RPS6KA5: variants seen among roughly 807,000 people sequenced by gnomAD.
RPS6KA5 encodes the protein ribosomal protein S6 kinase A5, also known as ribosomal protein S6 kinase alpha-5.
Under a neutral mutation model 85.5 loss-of-function variants are expected in RPS6KA5, and 27 were observed. The observed-to-expected ratio is 0.32, with a 90% CI of 0.23 to 0.44. The LOEUF (loss-of-function observed/expected upper bound fraction) is 0.44. RPS6KA5 is among the 20% of genes least tolerant of loss of function. RPS6KA5 has a pLI of 1.00. For synonymous variants in RPS6KA5, 334 were observed against 348.2 expected (o/e 0.96, Z 0.46); for missense variants, 811 against 980.9 (o/e 0.83, Z 2.31).
chr14:91,020,534 C>CTCTGTG (rs1491262892), intron 1 of RPS6KA5, among the ~76,000 whole-genome samples: 1 of 109,998 alleles, frequency 9.1e-6, no homozygotes, highest in Non-Finnish European at 1.8e-5. Context: ...TAAGGAATGA[C>CTCTGTG]TGTGTGTGTG....
At chr14:90,909,922 C>G (rs1487096349) in intron 7 of RPS6KA5, among the ~76,000 whole-genome samples, 1 of 152,084 alleles carries the variant, frequency 6.6e-6, no homozygotes, top group Non-Finnish European at 1.5e-5. Context: ...ATTACAGGCA[C>G]CCACCACCAT....
At chr14:90,880,175 C>T (rs776938390) in intron 14 of RPS6KA5, among the ~76,000 whole-genome samples, 13 of 152,096 alleles carry the variant, frequency 8.5e-5, no homozygotes, top group Admixed American at 2.6e-4. Flanking sequence ...GTGTATAGTT[C>T]GATGGTATTA....
At chr14:90,998,076 C>G (rs900852415) in intron 2 of RPS6KA5, among the ~76,000 whole-genome samples, 1 of 133,114 alleles carries the variant, frequency 7.5e-6, no homozygotes, top group Non-Finnish European at 1.6e-5. Context: ...ACCTAGAAAA[C>G]ATTATGTTAA....
chr14:90,974,573 C>A (rs1300486326), intron 3 of RPS6KA5, among the ~76,000 whole-genome samples: 2 of 152,200 alleles, frequency 1.3e-5, no homozygotes, highest in Non-Finnish European at 2.9e-5. Flanking sequence ...GGCCCTGCAG[C>A]CTCCACTTTT....
intron 13 of RPS6KA5, chr14:90,893,854 CA>C: frequency 3.9e-6 from 1 of 255,196 alleles, no homozygotes; most frequent in Non-Finnish European, 6.2e-6. Flanking sequence ...TAAGAGGAGA[CA>C]TATAAATAGC....
chr14:90,905,748 G>T (rs796273951), intron 8 of RPS6KA5, among the ~76,000 whole-genome samples: 19 of 152,192 alleles, frequency 1.2e-4, no homozygotes, highest in African/African-American at 4.6e-4. Context: ...CTATCTAAAA[G>T]GTGAAACATA....
chr14:90,867,965 T>C lies in RPS6KA5; in HGVS notation c.*4109A>G, dbSNP rs2032871169. The C allele has an allele frequency of 6.6e-6, 1 of 152,086 alleles. No homozygotes were observed. The highest frequency in any genetic ancestry group is 2.4e-5 in the African/African-American group (1 of 41,410). The allele number at this position is 152,086 out of a possible 1,614,324, so 9.4% of individuals were successfully genotyped here. ...AAGAAAAGGGCTCAGAAGAAATATC[T>C]TGAAAAGTAAGCAATATAGAAGGTG... is the stretch of plus-strand genomic sequence containing the variant. On this transcript the variant is annotated 3_prime_UTR_variant, in exon 17 of 17. Transcript: ENST00000614987.
At chr14:91,002,110 C>T (rs1470418152) in intron 1 of RPS6KA5, among the ~76,000 whole-genome samples, 1 of 152,130 alleles carries the variant, frequency 6.6e-6, no homozygotes, top group African/African-American at 2.4e-5. Context: ...GATCCAAATC[C>T]TAATTATGCC....
chr14:90,947,410 A>C (rs924781387), intron 4 of RPS6KA5, 25 bp downstream of exon 4: 3 of 1,331,986 alleles, frequency 2.3e-6, no homozygotes, highest in Non-Finnish European at 3.2e-6. Flanking sequence ...TTCAGAAAAG[A>C]AACCTGAAAA....
chr14:90,951,480 C>CA (rs774538620), intron 3 of RPS6KA5, among the ~76,000 whole-genome samples: 38 of 151,662 alleles, frequency 2.5e-4, no homozygotes, highest in Non-Finnish European at 4.0e-4. Flanking sequence ...ATCTCAACAA[C>CA]AAAAAAACAA....
chr14:91,038,052 T>C (rs2042469870), intron 1 of RPS6KA5, among the ~76,000 whole-genome samples: 2 of 152,206 alleles, frequency 1.3e-5, no homozygotes, highest in Admixed American at 1.3e-4. Context: ...AGTATCACCT[T>C]GTAAGAAATC....
At chr14:90,872,483 C>G (rs2033184405) in intron 16 of RPS6KA5, among the ~76,000 whole-genome samples, 161 bp from the exon 17 acceptor site, 1 of 151,946 alleles carries the variant, frequency 6.6e-6, no homozygotes, top group African/African-American at 2.4e-5. Flanking sequence ...AGTCTATTGG[C>G]AGGGTGGAGA....
chr14:90,947,611 C>T, intron 3 of RPS6KA5, 61 bp from the exon 4 acceptor site: 1 of 975,866 alleles, frequency 1.0e-6, no homozygotes, highest in South Asian at 1.4e-5. Flanking sequence ...AGCAGTGTTT[C>T]CTTTTAATCA....
intron 6 of RPS6KA5, among the ~76,000 whole-genome samples, chr14:90,922,809 T>C (rs2036472875): frequency 1.3e-5 from 2 of 152,202 alleles, no homozygotes; most frequent in Admixed American, 6.5e-5. Flanking sequence ...TAAAAATTAT[T>C]TGACTAGTTT....
chr14:90,897,669 T>C (rs2034915708), intron 12 of RPS6KA5, among the ~76,000 whole-genome samples: 2 of 152,208 alleles, frequency 1.3e-5, no homozygotes, highest in South Asian at 2.1e-4. Flanking sequence ...CCTGAATATA[T>C]AAATAGCAAA....
intron 2 of RPS6KA5, among the ~76,000 whole-genome samples, chr14:90,984,423 C>T (rs1286463734): frequency 6.6e-6 from 1 of 152,172 alleles, no homozygotes; most frequent in African/African-American, 2.4e-5. Context: ...ACTGGATCAA[C>T]TATGTAAATT....
intron 15 of RPS6KA5, 71 bp downstream of exon 15, chr14:90,875,130 T>A: frequency 7.2e-7 from 1 of 1,380,248 alleles, no homozygotes; most frequent in Non-Finnish European, 1.0e-6. Flanking sequence ...TATGAATGTA[T>A]GTGTAATGGC....
intron 14 of RPS6KA5, among the ~76,000 whole-genome samples, chr14:90,883,142 TTC>T (rs1173279625): frequency 6.6e-6 from 1 of 152,158 alleles, no homozygotes; most frequent in Non-Finnish European, 1.5e-5. Context: ...TTTGTTGAAT[TTC>T]TTAGTTGTTT....
intron 5 of RPS6KA5, among the ~76,000 whole-genome samples, chr14:90,931,611 CAAA>C (rs1442813426): frequency 6.6e-6 from 1 of 150,498 alleles, no homozygotes; most frequent in African/African-American, 2.4e-5. Flanking sequence ...TGTTAAATGG[CAAA>C]AAAGATCATT....
Sources: allele counts gnomAD v4.1 joint callset (sites outside exome capture counted in the v4.1 genomes callset), GRCh38; gene constraint gnomAD v4.1.1; transcripts MANE v1.5; gene names NCBI Gene and HGNC (gene_info 2026-07-23, HGNC 2026-07-21).